TIMELESS: variants seen among roughly 807,000 people sequenced by gnomAD.
TIMELESS encodes the protein timeless circadian regulator.
Under a neutral mutation model 164.3 loss-of-function variants are expected in TIMELESS, and 124 were observed. The observed-to-expected ratio is 0.75, with a 90% CI of 0.65 to 0.88. The LOEUF (loss-of-function observed/expected upper bound fraction) is 0.88. Among genes scored for constraint, TIMELESS ranks in the 40% least tolerant of loss-of-function variants. The pLI, the probability that TIMELESS is intolerant of heterozygous loss-of-function variation, is 0.00. For missense variants in TIMELESS, 1,422 were observed against 1,491.4 expected, an observed-to-expected ratio of 0.95 and a Z score of 0.77; for synonymous variants, 564 against 563.4, an observed-to-expected ratio of 1.00 and a Z score of -0.02.
chr12:56,424,535 G>A (rs1385962099), intron 15 of TIMELESS, among the ~76,000 whole-genome samples: 4 of 152,164 alleles, frequency 2.6e-5, no homozygotes, highest in Non-Finnish European at 5.9e-5. Context: ...ATGATGTCAA[G>A]TGAGGATTTG....
rs748630798 is a variant in TIMELESS, at chr12:56,428,956, T to C, written c.1231A>G (p.Ile411Val). The C allele has an allele frequency of 3.7e-6, 6 of 1,613,950 alleles. No individual in the cohort carries two copies. The African/African-American group carries it at 4.0e-5, about 11-fold the overall frequency. ...TAGTAGTTGGTGAGGTTCTGCTCAA[T>C]GAAGTGGAAGGTACGGACACTGAGG... ...ETLSVRTFHF[I>V]EQNLTNYYEM... The change falls in exon 11 of 29, where the codon ATT (isoleucine) becomes GTT (valine). Residue 411 changes from isoleucine (I) to valine (V), a missense_variant. By Grantham distance (29) the Ile-to-Val change is conservative (BLOSUM62 3). Transcript: ENST00000553532.
intron 28 of TIMELESS, 60 bp downstream of exon 28, chr12:56,417,847 C>T (rs374286392): frequency 1.0e-4 from 161 of 1,613,492 alleles, no homozygotes; most frequent in Non-Finnish European, 9.2e-5. Flanking sequence ...GGGGTAAGGA[C>T]GTGGTAGAGT....
At chr12:56,419,844 A>G (rs1056527883) in intron 26 of TIMELESS, among the ~76,000 whole-genome samples, 11 of 150,944 alleles carry the variant, frequency 7.3e-5, no homozygotes, top group Admixed American at 1.3e-4. Flanking sequence ...CATCTCTACA[A>G]AAAATACAAA....
In TIMELESS at chr12:56,422,167, T is replaced by C. The variant is rs1368980441; in HGVS notation, c.2463A>G (p.Thr821=). 2 of 1,613,898 alleles carry C rather than the reference T, an allele frequency of 1.2e-6. No individual in the cohort carries two copies. The highest frequency in any genetic ancestry group is 1.7e-6 in the Non-Finnish European group (2 of 1,180,008). ...DDRSSSRRAP[T]WSPEEEAHLR... is the part of the protein sequence containing the mutation. ...GATGAGCCTCTTCTTCGGGGCTCCA[T>C]GTAGGTGCTCTGCGACTGGAAGACC... The change falls in exon 20 of 29, where the codon ACA becomes ACG. Residue 821 remains threonine (T), a synonymous_variant. Transcript: ENST00000553532.
chr12:56,445,465 G>A (rs966322365), intron 1 of TIMELESS, among the ~76,000 whole-genome samples: 4 of 125,326 alleles, frequency 3.2e-5, no homozygotes, highest in Non-Finnish European at 6.6e-5. Context: ...GAGGCTGGAT[G>A]TGGTGGCTCA....
intron 26 of TIMELESS, 49 bp downstream of exon 26, chr12:56,420,520 G>A: frequency 1.3e-6 from 2 of 1,482,576 alleles, no homozygotes; most frequent in Non-Finnish European, 1.9e-6. Flanking sequence ...AGATGTATTT[G>A]GAAATAGGAC....
At chr12:56,440,472 T>C (rs57020231) in intron 1 of TIMELESS, among the ~76,000 whole-genome samples, 11,326 of 152,058 alleles carry the variant, frequency 0.074, 1,378 homozygotes, top group African/African-American at 0.25. Flanking sequence ...AACAAAACAC[T>C]CTACCTGCCC....
chr12:56,417,625 G>A lies in TIMELESS; in HGVS notation c.*91C>T, dbSNP rs947245823. The A allele has an allele frequency of 1.3e-5, 16 of 1,262,466 alleles. No individual in the cohort carries two copies. In the East Asian group the frequency reaches 3.0e-4, roughly 24 times the overall value. The allele number at this position is 1,262,466 out of a possible 1,614,324, so 78.2% of individuals were successfully genotyped here. ...ATTCTACTGCTCTGTCCAGTAAGAG[G>A]AGCTTCTGGGTCCTGTATGACCCTT... On this transcript the variant is annotated 3_prime_UTR_variant, in exon 29 of 29. Transcript: ENST00000553532.
rs1191939179 is a variant in TIMELESS at position 56,418,323 on chromosome 12, T to C, written c.3265A>G (p.Thr1089Ala). ...FWRIPAKLSP[T>A]QLRRAAASLS... ...GAAGCTGCTGCCCTCCGGAGCTGGG[T>C]AGGACTCAGCTTGGCTGGAATTCGC... The change falls in exon 27 of 29, where the codon ACC becomes GCC. Residue 1089 changes from threonine (T) to alanine (A), a missense_variant. Transcript: ENST00000553532. The C allele has an allele frequency of 6.2e-6, 10 of 1,613,482 alleles. No individual in the cohort carries two copies. Among genetic ancestry groups the C allele is most frequent in the Admixed American group, 1.7e-5 (1 of 59,860 alleles).
chr12:56,428,234 A>T lies in TIMELESS; in HGVS notation c.1578+2T>A. The T allele has an allele frequency of 6.3e-7, 1 of 1,595,062 alleles. No individual in the cohort carries two copies. The highest frequency in any genetic ancestry group is 8.6e-7 in the Non-Finnish European group (1 of 1,168,210). On this transcript the variant is annotated splice_donor_variant, in intron 13 of 28. Transcript: ENST00000553532. LOFTEE classifies it high-confidence loss of function. ...TTTCTACATTGTGGGGCTGCCCAGT[A>T]CCTGCACCACCAGGTTCCCACGGCT...
intron 1 of TIMELESS, among the ~76,000 whole-genome samples, chr12:56,445,155 G>C (rs1446744672): frequency 6.6e-6 from 1 of 151,994 alleles, no homozygotes; most frequent in African/African-American, 2.4e-5. Flanking sequence ...GCCAGGCGCA[G>C]TGGCTCATGC....
Position 56,433,127 on chromosome 12 carries a change from C to A in TIMELESS, c.430G>T (p.Gly144Cys), listed in dbSNP as rs867564248. The change falls in exon 6 of 29, where the codon GGC becomes TGC. Residue 144 changes from glycine to cysteine, a missense_variant and splice_region_variant. Transcript: ENST00000553532. ...TCTTCCTCCTGCCGTTCCTCCCAGC[C>A]CTAACCAGAAGAGAGTAAGAGGAAG... Reference protein sequence around the residue: ...SETLYELLQLGWEERQEEDNL... With the variant: ...SETLYELLQLCWEERQEEDNL... The A allele has an allele frequency of 6.2e-7, 1 of 1,614,006 alleles. No individual in the cohort carries two copies. Among genetic ancestry groups the A allele is most frequent in the Non-Finnish European group, 8.5e-7 (1 of 1,179,962 alleles).
At chr12:56,432,920 A>T in intron 6 of TIMELESS, 106 bp downstream of exon 6, 1 of 777,616 alleles carries the variant, frequency 1.3e-6, no homozygotes, top group South Asian at 1.9e-5. Flanking sequence ...GCACCACTGC[A>T]CTCCAGCCTG....
At chr12:56,422,369 C>A in intron 19 of TIMELESS, 178 bp from the exon 20 acceptor site, 1 of 591,766 alleles carries the variant, frequency 1.7e-6, no homozygotes, top group Non-Finnish European at 3.0e-6. Flanking sequence ...CACGTAAGAA[C>A]CTAAAAGTCA....
intron 1 of TIMELESS, among the ~76,000 whole-genome samples, chr12:56,444,885 A>G (rs1180046882): frequency 6.6e-6 from 1 of 150,564 alleles, no homozygotes; most frequent in East Asian, 2.0e-4. Flanking sequence ...TCTCCCATGC[A>G]CTTCAACTAC....
intron 7 of TIMELESS, 148 bp downstream of exon 7, chr12:56,432,221 A>T: frequency 1.2e-6 from 1 of 810,932 alleles, no homozygotes; most frequent in South Asian, 2.3e-5. Flanking sequence ...ACCATGAATA[A>T]GGGGGTACTA....
intron 1 of TIMELESS, among the ~76,000 whole-genome samples, chr12:56,440,026 C>A (rs1868252604): frequency 6.6e-6 from 1 of 151,634 alleles, no homozygotes; most frequent in Non-Finnish European, 1.5e-5. Flanking sequence ...TCAAGCAGTT[C>A]AGATGAAGCA....
intron 4 of TIMELESS, 23 bp downstream of exon 4, chr12:56,433,514 AG>A: frequency 6.2e-7 from 1 of 1,613,972 alleles, no homozygotes. Flanking sequence ...ATTCCACCCC[AG>A]GGACTCCAAA....
At position 56,416,492 on chromosome 12, in the gene TIMELESS, G is replaced by A. The variant is rs1208600181; in HGVS notation, c.*1224C>T. 1.3e-5 allele frequency: 2 copies of A among 152,100 alleles called. No homozygotes were observed. Among genetic ancestry groups the A allele is most frequent in the Non-Finnish European group, 2.9e-5 (2 of 68,020 alleles). The allele number at this position is 152,100 out of a possible 1,614,324, so 9.4% of individuals were successfully genotyped here. A position where few individuals can be genotyped will look rare whatever the true frequency, so the allele number is the denominator to read the frequency against. ...AAGAAAGCTGACGTTTCCAAGAATG[G>A]GTAAGAACATAATATTTGCAGTATT... On this transcript the variant is annotated 3_prime_UTR_variant, in exon 29 of 29. Coordinates refer to ENST00000553532, the MANE Select transcript of TIMELESS (RefSeq NM_003920.5).
Sources: allele counts gnomAD v4.1 joint callset (sites outside exome capture counted in the v4.1 genomes callset), GRCh38; gene constraint gnomAD v4.1.1; transcripts MANE v1.5; gene names NCBI Gene and HGNC (gene_info 2026-07-23, HGNC 2026-07-21).